KLHDC4: variants seen among roughly 807,000 people sequenced by gnomAD.
KLHDC4 encodes kelch domain containing 4.
KLHDC4 carries 90 observed loss-of-function variants against 62.4 expected under a neutral mutation model. That is an observed-to-expected ratio of 1.44 (90% CI 1.22 to 1.72). The LOEUF is 1.72. KLHDC4 is among the 40% of genes most tolerant of loss of function. The pLI is 0.00. For missense variants in KLHDC4, 1,025 were observed against 699.7 expected, an observed-to-expected ratio of 1.47 and a Z score of -5.25; for synonymous variants, 386 against 284.4, an observed-to-expected ratio of 1.36 and a Z score of -3.59.
At chr16:87,763,825 C>T (rs1389370588) in intron 1 of KLHDC4, among the ~76,000 whole-genome samples, 1 of 152,094 alleles carries the variant, frequency 6.6e-6, no homozygotes, top group Admixed American at 6.6e-5. Flanking sequence ...CTGGGTGACG[C>T]CAGTGGCCTA....
chr16:87,698,476 A>G (rs1275458470), exon 1 of KLHDC4: 1 of 152,272 alleles, frequency 6.6e-6, no homozygotes, highest in Non-Finnish European at 1.5e-5. Context: ...TGAGCAGGAA[A>G]CACATTCACA....
rs749030781 is a variant in KLHDC4, at chr16:87,755,175, G to C, written c.369+19C>G. 28 of 1,549,304 alleles carry C rather than the reference G, an allele frequency of 1.8e-5. No individual in the cohort carries two copies. Among genetic ancestry groups the C allele is most frequent in the Non-Finnish European group, 2.3e-5 (26 of 1,121,982 alleles). ...ACGTGGGAAGAGGGAGGGTGGCTGA[G>C]AGTCAGTGCTGACATTACCTGGTGA... On this transcript the variant is annotated intron_variant, in intron 4 of 11. Coordinates refer to ENST00000270583, the MANE Select transcript of KLHDC4 (RefSeq NM_017566.4).
intron 5 of KLHDC4, among the ~76,000 whole-genome samples, chr16:87,736,510 G>C (rs1237847807): frequency 6.6e-6 from 1 of 152,148 alleles, no homozygotes; most frequent in African/African-American, 2.4e-5. Flanking sequence ...AGCACAGCCA[G>C]GGAGAGCCGT....
At chr16:87,765,402 G>A (rs1048869234) in intron 1 of KLHDC4, 2 of 480,352 alleles carry the variant, frequency 4.2e-6, no homozygotes, top group Non-Finnish European at 8.2e-6. Flanking sequence ...CACACATCAT[G>A]CAGAGGCAGC....
exon 1 of KLHDC4, chr16:87,699,360 G>A (rs946289629): frequency 6.6e-6 from 1 of 152,246 alleles, no homozygotes. Context: ...GGCATGCAAT[G>A]CCTGAGCCGA....
intron 4 of KLHDC4, 103 bp from the exon 5 acceptor site, chr16:87,748,912 C>A: frequency 1.5e-6 from 2 of 1,340,482 alleles, no homozygotes; most frequent in South Asian, 1.5e-5. Flanking sequence ...TCTCGGATGC[C>A]CTGCAACATG....
chr16:87,723,140 C>A (rs2038738366), intron 7 of KLHDC4, among the ~76,000 whole-genome samples: 1 of 152,272 alleles, frequency 6.6e-6, no homozygotes, highest in African/African-American at 2.4e-5. Flanking sequence ...AAGTTTCTAT[C>A]AGTTCGTGCA....
intron 5 of KLHDC4, among the ~76,000 whole-genome samples, chr16:87,745,670 T>A (rs1023306938): frequency 6.6e-6 from 1 of 152,042 alleles, no homozygotes; most frequent in Non-Finnish European, 1.5e-5. Flanking sequence ...GCACTGAAGG[T>A]CTTCAAGACG....
chr16:87,765,548 G>T (rs1397427772), intron 1 of KLHDC4, among the ~76,000 whole-genome samples: 1 of 152,092 alleles, frequency 6.6e-6, no homozygotes, highest in African/African-American at 2.4e-5. Context: ...ACCACACTAA[G>T]AAAAGCAAGC....
At chr16:87,720,507 C>A (rs2038064858) in intron 7 of KLHDC4, among the ~76,000 whole-genome samples, 1 of 152,214 alleles carries the variant, frequency 6.6e-6, no homozygotes, top group African/African-American at 2.4e-5. Flanking sequence ...GCCCTCCTCA[C>A]CACACAACCA....
intron 6 of KLHDC4, among the ~76,000 whole-genome samples, chr16:87,728,057 G>C (rs556410017): frequency 2.6e-5 from 4 of 152,098 alleles, no homozygotes; most frequent in African/African-American, 9.7e-5. Context: ...CATGGGGGCG[G>C]GTGCCTATAA....
chr16:87,728,136 G>T (rs368751152), intron 6 of KLHDC4, among the ~76,000 whole-genome samples: 1 of 152,176 alleles, frequency 6.6e-6, no homozygotes, highest in East Asian at 1.9e-4. Flanking sequence ...ACAGTGAGCT[G>T]ATCACGCCAC....
exon 1 of KLHDC4, chr16:87,701,382 C>T: frequency 3.1e-6 from 1 of 322,926 alleles, no homozygotes; most frequent in Admixed American, 3.9e-5. Flanking sequence ...TCCCAAGCTT[C>T]AGCCCACCCA....
intron 1 of KLHDC4, among the ~76,000 whole-genome samples, chr16:87,764,147 T>C (rs7187132): frequency 0.21 from 31,463 of 152,118 alleles, 3,780 homozygotes; most frequent in African/African-American, 0.34. Context: ...GATTAGGTTG[T>C]ATTACAGACA....
downstream of KLHDC4, among the ~76,000 whole-genome samples, chr16:87,705,363 G>A (rs1398158145): frequency 6.6e-6 from 1 of 152,248 alleles, no homozygotes; most frequent in Non-Finnish European, 1.5e-5. Context: ...GTTGTGTTCC[G>A]CGTCTCCCAC....
At chr16:87,700,515 GAGGA>G (rs1429211853) in exon 1 of KLHDC4, 2 of 160,176 alleles carry the variant, frequency 1.2e-5, no homozygotes, top group African/African-American at 5.2e-5. Flanking sequence ...AGGGAGGAGG[GAGGA>G]AAGAGGGTGG....
chr16:87,749,006 C>A (rs905840458), intron 4 of KLHDC4, among the ~76,000 whole-genome samples, 197 bp from the exon 5 acceptor site: 7 of 149,978 alleles, frequency 4.7e-5, no homozygotes, highest in Non-Finnish European at 7.4e-5. Context: ...AGCACGTCCT[C>A]AGTCAAGGGT....
At chr16:87,713,696 C>T (rs990488687) in intron 8 of KLHDC4, among the ~76,000 whole-genome samples, 6 of 152,010 alleles carry the variant, frequency 3.9e-5, no homozygotes, top group African/African-American at 9.7e-5. Flanking sequence ...GAACATGAAA[C>T]GTGCCATGTG....
intron 8 of KLHDC4, 150 bp downstream of exon 8, chr16:87,714,348 C>CCCCCCCCCAAAAAA: frequency 1.5e-6 from 1 of 655,428 alleles, no homozygotes; most frequent in South Asian, 2.2e-5. Context: ...CCACCCGGCC[C>CCCCCCCCCAAAAAA]ACCCCGAAAT....
Sources: gnomAD v4.1 joint callset for allele counts (sites outside exome capture counted in the v4.1 genomes callset) on GRCh38, gnomAD v4.1.1 for gene constraint, MANE v1.5 for transcripts, NCBI Gene and HGNC (gene_info 2026-07-23, HGNC 2026-07-21) for gene names.